RRAGB: variants seen among roughly 807,000 people sequenced by gnomAD.
RRAGB encodes Ras related GTP binding B, also known as ras-related GTP-binding protein B.
RRAGB carries 6 observed loss-of-function variants against 29.3 expected under a neutral mutation model. The ratio of observed to expected loss-of-function variants is 0.21; its 90% CI spans 0.11 to 0.40. RRAGB has a LOEUF of 0.40. RRAGB is among the 10% of genes least tolerant of loss of function. The probability of loss-of-function intolerance (pLI) is 1.00; values close to 1 mark genes in which losing one functional copy is unlikely to be tolerated. For missense variants in RRAGB, 184 were observed against 272.9 expected (o/e 0.67, Z 2.29); for synonymous variants, 101 against 92.5 (o/e 1.09, Z -0.53).
intron 3 of RRAGB, 138 bp downstream of exon 3, chrX:55,722,423 G>A (rs1340675520): frequency 3.9e-5 from 15 of 383,394 alleles, no homozygotes; most frequent in Admixed American, 3.8e-4. Flanking sequence ...TTTTGCATTC[G>A]TTTTCAAAGA....
intron 5 of RRAGB, among the ~76,000 whole-genome samples, chrX:55,733,583 C>A (rs1406808022): frequency 3.6e-5 from 4 of 111,749 alleles, no homozygotes; most frequent in African/African-American, 1.3e-4. Flanking sequence ...GTTTCTAATT[C>A]TGTTTATATA....
At chrX:55,734,220 C>T (rs1250949474) in intron 5 of RRAGB, among the ~76,000 whole-genome samples, 12 of 109,381 alleles carry the variant, frequency 1.1e-4, no homozygotes, top group Non-Finnish European at 2.3e-4. Context: ...GCCTCGGCCT[C>T]CCAAAGTGCT....
intron 5 of RRAGB, among the ~76,000 whole-genome samples, chrX:55,741,434 A>G (rs375760110): frequency 3.6e-5 from 4 of 112,570 alleles, no homozygotes; most frequent in Non-Finnish European, 7.5e-5. Flanking sequence ...AATATAAAAT[A>G]AACAGCAAGT....
chrX:55,733,132 T>C (rs771680017), intron 5 of RRAGB, among the ~76,000 whole-genome samples: 2 of 111,311 alleles, frequency 1.8e-5, no homozygotes, highest in African/African-American at 6.5e-5. Context: ...AACCTCCCCG[T>C]TTCTGTGTCT....
At chrX:55,756,949 T>G (rs2034671642) in intron 8 of RRAGB, among the ~76,000 whole-genome samples, 2 of 111,808 alleles carry the variant, frequency 1.8e-5, no homozygotes, top group Non-Finnish European at 3.8e-5. Flanking sequence ...AGCGAAACTC[T>G]TGACTCATAA....
At chrX:55,741,652 G>A (rs1045686698) in intron 5 of RRAGB, among the ~76,000 whole-genome samples, 26 of 111,487 alleles carry the variant, frequency 2.3e-4, no homozygotes, top group African/African-American at 7.5e-4. Context: ...GTATGTGCGC[G>A]TGCATAGAAA....
At chrX:55,753,979 AG>A (rs950928971) in intron 7 of RRAGB, among the ~76,000 whole-genome samples, 1 of 111,873 alleles carries the variant, frequency 8.9e-6, no homozygotes, top group Admixed American at 9.5e-5. Flanking sequence ...CGGGAGGCGG[AG>A]GTTGGGGTGA....
intron 8 of RRAGB, among the ~76,000 whole-genome samples, chrX:55,756,694 A>G (rs1020974597): frequency 8.9e-6 from 1 of 112,818 alleles, no homozygotes; most frequent in Non-Finnish European, 1.9e-5. Context: ...AATGATAAGG[A>G]AATTTCAACT....
intron 4 of RRAGB, 86 bp from the exon 5 acceptor site, chrX:55,731,278 A>G: frequency 1.5e-6 from 1 of 673,725 alleles, no homozygotes; most frequent in Non-Finnish European, 2.2e-6. Flanking sequence ...ATTATCTTTC[A>G]CATTGATCAA....
chrX:55,724,349 A>G (rs978713013), intron 3 of RRAGB, among the ~76,000 whole-genome samples: 1 of 112,182 alleles, frequency 8.9e-6, no homozygotes, highest in African/African-American at 3.2e-5. Context: ...TCATCCATAA[A>G]AAAAGGGATT....
In RRAGB at chrX:55,751,136, G is replaced by A; in HGVS notation, c.552G>A (p.Leu184=). The A allele has an allele frequency of 1.7e-6, 2 of 1,200,245 alleles. No individual in the cohort carries two copies. The highest frequency in any genetic ancestry group is 2.3e-6 in the Non-Finnish European group (2 of 886,052). The change falls in exon 6 of 10, where the codon TTG becomes TTA. Residue 184 remains leucine (L), a synonymous_variant. Coordinates refer to ENST00000374941, the MANE Select transcript of RRAGB (RefSeq NM_006064.5). ...FKEREEDLRR[L]SRPLECSCFR... is the part of the protein sequence containing the mutation. The stretch of plus-strand genomic sequence containing the variant: ...AGCGAGAAGAAGATTTGAGGCGTTT[G>A]TCTCGCCCATTGGAATGTTCTTGTT...
At chrX:55,747,863 C>CCT (rs1292200380) in intron 5 of RRAGB, among the ~76,000 whole-genome samples, 3 of 93,483 alleles carry the variant, frequency 3.2e-5, no homozygotes. Flanking sequence ...TCTCCCTCTC[C>CCT]CTCTTTCCAC....
intron 5 of RRAGB, among the ~76,000 whole-genome samples, chrX:55,750,489 A>C (rs562952834): frequency 9.0e-6 from 1 of 111,450 alleles, no homozygotes; most frequent in Admixed American, 9.5e-5. Context: ...TAATACTCAG[A>C]GTCTACTGTT....
At position 55,718,172 on chromosome X, in the gene RRAGB, A is replaced by G; in HGVS notation, c.-156A>G. The G allele has an allele frequency of 8.5e-6, 3 of 354,044 alleles. No individual in the cohort carries two copies. Among genetic ancestry groups the G allele is most frequent in the Non-Finnish European group, 9.7e-6 (2 of 205,740 alleles). The allele number at this position is 354,044 out of a possible 1,213,427, so 29.2% of individuals were successfully genotyped here. On this transcript the variant is annotated 5_prime_UTR_variant, in exon 1 of 10. Coordinates refer to ENST00000374941, the MANE Select transcript of RRAGB (RefSeq NM_006064.5). ...GTAACCGTGGGGAAAGCGGCCCCCC[A>G]GTGGACAAAGGCGGAGGCAAGAATA...
chrX:55,725,211 T>C (rs756635063), intron 3 of RRAGB, among the ~76,000 whole-genome samples: 5 of 112,340 alleles, frequency 4.5e-5, no homozygotes, highest in Non-Finnish European at 9.4e-5. Flanking sequence ...AAACTTTTTA[T>C]GTAGCAGGCA....
At chrX:55,739,044 G>A (rs1602045111) in intron 5 of RRAGB, among the ~76,000 whole-genome samples, 1 of 112,609 alleles carries the variant, frequency 8.9e-6, no homozygotes, top group East Asian at 2.8e-4. Context: ...AGTAGCAGGT[G>A]TCAGTGAGAC....
intron 5 of RRAGB, among the ~76,000 whole-genome samples, chrX:55,742,205 A>G (rs2034103923): frequency 8.9e-6 from 1 of 112,762 alleles, no homozygotes; most frequent in East Asian, 2.8e-4. Context: ...TAACAAAATC[A>G]AGATGAAGTA....
chrX:55,750,184 A>G (rs867052097), intron 5 of RRAGB, among the ~76,000 whole-genome samples: 18 of 93,967 alleles, frequency 1.9e-4, no homozygotes, highest in African/African-American at 5.5e-4. Flanking sequence ...ATACATACGT[A>G]TGTGTGTGTG....
chrX:55,727,553 A>G (rs1164241811), intron 3 of RRAGB, among the ~76,000 whole-genome samples: 1 of 111,030 alleles, frequency 9.0e-6, no homozygotes, highest in African/African-American at 3.3e-5. Context: ...TTTCTTTTTT[A>G]ATAGAAGCGG....
Sources: allele counts gnomAD v4.1 joint callset (sites outside exome capture counted in the v4.1 genomes callset), GRCh38; gene constraint gnomAD v4.1.1; transcripts MANE v1.5; gene names NCBI Gene and HGNC (gene_info 2026-07-23, HGNC 2026-07-21).